RNF150: variants seen among roughly 807,000 people sequenced by gnomAD.
The protein encoded by RNF150 is ring finger protein 150.
A neutral mutation model predicts 39.3 loss-of-function variants in RNF150; 24 were observed. The observed-to-expected ratio is 0.61, with a 90% CI of 0.44 to 0.86. The LOEUF (loss-of-function observed/expected upper bound fraction) is 0.86. Among genes scored for constraint, RNF150 ranks in the 40% least tolerant of loss-of-function variants. The probability of loss-of-function intolerance (pLI) is 0.00; values close to 1 mark genes in which losing one functional copy is unlikely to be tolerated. For missense variants in RNF150, 502 were observed against 587.8 expected (o/e 0.85, Z 1.51); for synonymous variants, 255 against 227.3 (o/e 1.12, Z -1.10).
intron 5 of RNF150, among the ~76,000 whole-genome samples, chr4:140,914,649 C>T (rs1396233712): frequency 6.6e-6 from 1 of 151,974 alleles, no homozygotes; most frequent in Non-Finnish European, 1.5e-5. Context: ...TTCTGTCATT[C>T]TATCAAGACA....
At chr4:140,999,977 A>AGAAGAAGAAGAGGAAGAAGAAGAAG (rs70946722) in intron 1 of RNF150, among the ~76,000 whole-genome samples, 1 of 34,678 alleles carries the variant, frequency 2.9e-5, no homozygotes, top group Admixed American at 4.1e-4. Context: ...AAGAAGAAGA[A>AGAAGAAGAAGAGGAAGAAGAAGAAG]AAGAAGAAAA....
At chr4:141,054,132 T>C (rs1195462355) in intron 1 of RNF150, among the ~76,000 whole-genome samples, 1 of 152,202 alleles carries the variant, frequency 6.6e-6, no homozygotes, top group Non-Finnish European at 1.5e-5. Context: ...TTTGCCTAGT[T>C]ATAATCGTTG....
At chr4:140,893,208 T>C (rs6843223) in intron 6 of RNF150, among the ~76,000 whole-genome samples, 13,901 of 149,028 alleles carry the variant, frequency 0.093, 1,980 homozygotes, top group African/African-American at 0.31. Context: ...ATTCCACCCA[T>C]GGATGTTTTT....
intron 1 of RNF150, among the ~76,000 whole-genome samples, chr4:141,048,367 C>A (rs1736658571): frequency 6.6e-6 from 1 of 152,124 alleles, no homozygotes. Flanking sequence ...TGTTATGCAG[C>A]CATGGACCAC....
intron 4 of RNF150, among the ~76,000 whole-genome samples, chr4:140,942,045 G>A (rs1310695895): frequency 6.6e-6 from 1 of 152,210 alleles, no homozygotes; most frequent in East Asian, 1.9e-4. Flanking sequence ...GTTGGAGGTT[G>A]AGACGTTCTA....
At chr4:141,149,517 T>C in intron 1 of RNF150, among the ~76,000 whole-genome samples, 1 of 152,240 alleles carries the variant, frequency 6.6e-6, no homozygotes, top group East Asian at 1.9e-4. Context: ...TTACTTCACT[T>C]AGAATAATAG....
chr4:141,111,765 G>C (rs1489718476), intron 1 of RNF150, among the ~76,000 whole-genome samples: 1 of 152,120 alleles, frequency 6.6e-6, no homozygotes, highest in East Asian at 1.9e-4. Flanking sequence ...ATCATCCGAG[G>C]CCAATTAAAA....
At chr4:140,896,687 T>TAAA (rs368166601) in intron 6 of RNF150, among the ~76,000 whole-genome samples, 5,100 of 79,262 alleles carry the variant, frequency 0.064, 185 homozygotes, top group South Asian at 0.11. Flanking sequence ...TAGAGTATAA[T>TAAA]AAAAAAAAAA....
chr4:140,886,638 T>G (rs1328988551), intron 6 of RNF150, among the ~76,000 whole-genome samples: 1 of 152,182 alleles, frequency 6.6e-6, no homozygotes, highest in Non-Finnish European at 1.5e-5. Flanking sequence ...TATTTATTTT[T>G]AGACAGTCTC....
At chr4:141,179,478 C>T (rs1415391574) in intron 1 of RNF150, among the ~76,000 whole-genome samples, 1 of 152,160 alleles carries the variant, frequency 6.6e-6, no homozygotes, top group African/African-American at 2.4e-5. Flanking sequence ...CTCACAAATA[C>T]TCTCTGGTTT....
chr4:141,082,580 A>AT (rs780389371), intron 1 of RNF150, among the ~76,000 whole-genome samples: 80 of 144,648 alleles, frequency 5.5e-4, no homozygotes, highest in Admixed American at 1.0e-3. Flanking sequence ...GGATGAAATT[A>AT]TTTTTTTTAT....
intron 1 of RNF150, among the ~76,000 whole-genome samples, chr4:141,211,780 T>C (rs1220214434): frequency 2.0e-5 from 3 of 152,104 alleles, no homozygotes. Flanking sequence ...ACTTTTCAGG[T>C]TTGGAAGATA....
chr4:140,923,942 AG>A lies in RNF150; in HGVS notation c.987+2034del, dbSNP rs1206610122. Among the ~76,000 whole-genome samples the A allele has an allele frequency of 3.0e-4, 45 of 149,872 alleles. No homozygotes were observed. The South Asian group carries it at 3.4e-3, about 11-fold the overall frequency. On this transcript the variant is annotated intron_variant, in intron 5 of 6. Coordinates refer to ENST00000515673, the MANE Select transcript of RNF150 (RefSeq NM_020724.2). Reference sequence around the variant, plus strand: ...ACAATGAGAACACATGGACACAGGAAGGGGAACATCACACACTGGGGCCTGT... The same window carrying A: ...ACAATGAGAACACATGGACACAGGAAGGGAACATCACACACTGGGGCCTGT...
At chr4:141,195,184 C>T (rs79989952) in intron 1 of RNF150, among the ~76,000 whole-genome samples, 5,013 of 151,990 alleles carry the variant, frequency 0.033, 116 homozygotes, top group Middle Eastern at 0.048. Flanking sequence ...TCACAGGCTA[C>T]GAGGAAAAAT....
intron 1 of RNF150, among the ~76,000 whole-genome samples, chr4:141,178,998 C>A (rs1301324051): frequency 1.3e-5 from 2 of 151,656 alleles, no homozygotes. Context: ...AATTAGGATC[C>A]CATTACATTT....
intron 6 of RNF150, among the ~76,000 whole-genome samples, chr4:140,878,185 T>TTC (rs1729238136): frequency 8.2e-6 from 1 of 122,576 alleles, no homozygotes; most frequent in Non-Finnish European, 1.7e-5. Context: ...TTTTTTTTTT[T>TTC]CAACAGAATC....
At chr4:141,094,652 G>A (rs1022562874) in intron 1 of RNF150, among the ~76,000 whole-genome samples, 1 of 152,240 alleles carries the variant, frequency 6.6e-6, no homozygotes, top group Non-Finnish European at 1.5e-5. Flanking sequence ...GGCCCACATG[G>A]CCGTAGTTTG....
chr4:141,120,320 A>C (rs1726568063), intron 1 of RNF150, among the ~76,000 whole-genome samples: 2 of 152,218 alleles, frequency 1.3e-5, no homozygotes, highest in African/African-American at 4.8e-5. Context: ...GATGACAGGA[A>C]ACGGTGACTG....
At chr4:141,043,331 T>C (rs1225091269) in intron 1 of RNF150, among the ~76,000 whole-genome samples, 1 of 152,098 alleles carries the variant, frequency 6.6e-6, no homozygotes, top group Non-Finnish European at 1.5e-5. Flanking sequence ...AAGATACCAG[T>C]CCATACCTAG....
Sources: gnomAD v4.1 joint callset for allele counts (sites outside exome capture counted in the v4.1 genomes callset) on GRCh38, gnomAD v4.1.1 for gene constraint, MANE v1.5 for transcripts, NCBI Gene and HGNC (gene_info 2026-07-23, HGNC 2026-07-21) for gene names.